The following NUDT3 variants were observed in gnomAD, a reference collection of about 807,000 sequenced individuals.
NUDT3 encodes the protein diphosphoinositol polyphosphate phosphohydrolase 1.
A neutral mutation model predicts 23.6 loss-of-function variants in NUDT3; 9 were observed. That is an observed-to-expected ratio of 0.38 (90% confidence interval 0.23 to 0.66). The LOEUF is 0.66. Ranked by LOEUF, NUDT3 falls within the 30% of genes least tolerant of loss-of-function variation. NUDT3 has a pLI of 0.52. For missense variants in NUDT3, 172 were observed against 218.5 expected, an observed-to-expected ratio of 0.79 and a Z score of 1.34; for synonymous variants, 86 against 82.6, an observed-to-expected ratio of 1.04 and a Z score of -0.22.
At chr6:34,372,017 G>GAAAGGCAATATTAGGCAGC (rs1581896432) in intron 1 of NUDT3, among the ~76,000 whole-genome samples, 2 of 152,228 alleles carry the variant, frequency 1.3e-5, no homozygotes, top group East Asian at 3.9e-4. Flanking sequence ...CCTTGCGATC[G>GAAAGGCAATATTAGGCAGC]TTTGCTCAGA....
intron 1 of NUDT3, among the ~76,000 whole-genome samples, chr6:34,350,976 C>G (rs926484232): frequency 6.7e-6 from 1 of 149,876 alleles, no homozygotes; most frequent in African/African-American, 2.5e-5. Flanking sequence ...ACACAGATAT[C>G]GGCGCCAGGC....
intron 1 of NUDT3, among the ~76,000 whole-genome samples, chr6:34,371,359 G>A (rs151023685): frequency 2.6e-5 from 4 of 151,894 alleles, no homozygotes; most frequent in African/African-American, 4.8e-5. Context: ...CAAGCTACTC[G>A]GGAGGCTGAG....
At chr6:34,383,595 A>C (rs1256680577) in intron 1 of NUDT3, among the ~76,000 whole-genome samples, 2 of 152,240 alleles carry the variant, frequency 1.3e-5, no homozygotes, top group African/African-American at 4.8e-5. Context: ...AGAAATGAAT[A>C]AACAATTGTA....
At chr6:34,344,674 T>C (rs182843006) in intron 1 of NUDT3, among the ~76,000 whole-genome samples, 193 of 152,142 alleles carry the variant, frequency 1.3e-3, no homozygotes, top group African/African-American at 4.4e-3. Flanking sequence ...TTTTTTCCGA[T>C]GGAGTCTCCC....
intron 4 of NUDT3, among the ~76,000 whole-genome samples, chr6:34,290,982 C>T (rs984466461): frequency 1.8e-4 from 27 of 151,474 alleles, no homozygotes; most frequent in Admixed American, 6.6e-4. Flanking sequence ...TTTATTGAGA[C>T]GGAGGCTCAC....
chr6:34,295,510 C>T, intron 3 of NUDT3, 131 bp downstream of exon 3: 2 of 1,035,730 alleles, frequency 1.9e-6, no homozygotes, highest in East Asian at 2.7e-5. Flanking sequence ...GAGAGTGAGA[C>T]CTTGTCTCAA....
intron 1 of NUDT3, among the ~76,000 whole-genome samples, chr6:34,382,917 G>A (rs888391250): frequency 6.6e-6 from 1 of 151,918 alleles, no homozygotes; most frequent in Non-Finnish European, 1.5e-5. Context: ...CACAAGGTCA[G>A]GAGTTCGAGA....
chr6:34,372,301 T>C (rs1342044038), intron 1 of NUDT3, among the ~76,000 whole-genome samples: 1 of 152,166 alleles, frequency 6.6e-6, no homozygotes, highest in Non-Finnish European at 1.5e-5. Flanking sequence ...TAGTTCTAGA[T>C]CCTTGAGGAA....
Position 34,347,385 on chromosome 6 carries a change from A to C in NUDT3, c.100-5413T>G, listed in dbSNP as rs141271176. 2.2e-3 allele frequency among the ~76,000 whole-genome samples: 333 copies of C among 152,328 alleles called. 1 individual carries two copies. Among genetic ancestry groups the C allele is most frequent in the East Asian group, 0.011 (57 of 5,186 alleles). The stretch of plus-strand genomic sequence containing the variant: ...AGGTATCAGACCTTTTTGAAGCTTT[A>C]GTCATTGAGACAGGTGATATCTACG... On this transcript the variant is annotated intron_variant, in intron 1 of 4. Coordinates refer to ENST00000607016, the MANE Select transcript of NUDT3 (RefSeq NM_006703.4).
intron 1 of NUDT3, among the ~76,000 whole-genome samples, chr6:34,373,566 T>C (rs556126645): frequency 3.3e-5 from 5 of 152,222 alleles, no homozygotes; most frequent in East Asian, 3.9e-4. Flanking sequence ...AAATTTGCTA[T>C]GGTGAATGTA....
At chr6:34,346,482 A>G (rs779241566) in intron 1 of NUDT3, among the ~76,000 whole-genome samples, 36 of 152,370 alleles carry the variant, frequency 2.4e-4, no homozygotes, top group Non-Finnish European at 3.8e-4. Flanking sequence ...TCAAAGATAA[A>G]GCAAAGAAAA....
chr6:34,391,454 A>T (rs1166291165), intron 1 of NUDT3, among the ~76,000 whole-genome samples: 2 of 151,764 alleles, frequency 1.3e-5, no homozygotes, highest in East Asian at 3.9e-4. Context: ...GGAAGCCGAG[A>T]TTTTTTTTTA....
chr6:34,319,788 G>A (rs1379149175), intron 2 of NUDT3, among the ~76,000 whole-genome samples: 1 of 152,202 alleles, frequency 6.6e-6, no homozygotes, highest in Non-Finnish European at 1.5e-5. Context: ...TCTCTGGAAT[G>A]AGGATCTTGT....
In NUDT3 at chr6:34,287,240, T is replaced by A. The variant is rs1013626333; in HGVS notation, c.*1513A>T. On this transcript the variant is annotated 3_prime_UTR_variant, in exon 5 of 5. Coordinates refer to ENST00000607016, the MANE Select transcript of NUDT3 (RefSeq NM_006703.4). Reference sequence around the variant, plus strand: ...ATTAGAATTTTTAAATGAGGCGAACTATGATTTTAATTTCACATCTTGGCT... The same window carrying A: ...ATTAGAATTTTTAAATGAGGCGAACAATGATTTTAATTTCACATCTTGGCT... 10 of 152,206 alleles carry A rather than the reference T, an allele frequency of 6.6e-5. No individual in the cohort carries two copies. The highest frequency in any genetic ancestry group is 2.2e-4 in the African/African-American group (9 of 41,440). 9.4% of individuals were successfully genotyped at this position (152,206 alleles called of 1,614,324 possible). A position where few individuals can be genotyped will look rare whatever the true frequency, so the allele number is the denominator to read the frequency against.
intron 3 of NUDT3, among the ~76,000 whole-genome samples, chr6:34,294,754 T>C (rs1763474233): frequency 6.6e-6 from 1 of 151,794 alleles, no homozygotes; most frequent in South Asian, 2.1e-4. Context: ...TATTTACATA[T>C]CTATTTTTTC....
chr6:34,281,089 CTT>C lies in NUDT3; in HGVS notation c.*7662_*7663del, dbSNP rs565846758. 4 of 152,186 alleles carry C rather than the reference CTT, an allele frequency of 2.6e-5. No individual in the cohort carries two copies. The highest frequency in any genetic ancestry group is 9.7e-5 in the African/African-American group (4 of 41,440). 9.4% of individuals were successfully genotyped at this position (152,186 alleles called of 1,614,324 possible). A position where few individuals can be genotyped will look rare whatever the true frequency, so the allele number is the denominator to read the frequency against. ...GGGGAGAAAGCACACTAGTTCATCT[CTT>C]TTATAAGTAGAATGGTCCCAGGGAT... On this transcript the variant is annotated 3_prime_UTR_variant, in exon 5 of 5. Coordinates refer to ENST00000607016, the MANE Select transcript of NUDT3 (RefSeq NM_006703.4).
intron 2 of NUDT3, among the ~76,000 whole-genome samples, chr6:34,297,760 A>ATATATATATTTTTTTTTTT (rs1763535832): frequency 1.9e-5 from 1 of 53,652 alleles, no homozygotes; most frequent in Non-Finnish European, 3.1e-5. Flanking sequence ...TATATATATA[A>ATATATATATTTTTTTTTTT]TTTTTTTTTT....
intron 1 of NUDT3, among the ~76,000 whole-genome samples, chr6:34,357,775 T>A (rs1034494631): frequency 3.3e-5 from 5 of 152,226 alleles, no homozygotes; most frequent in African/African-American, 1.2e-4. Context: ...AAACTGTATG[T>A]CTTCTAATCC....
At chr6:34,341,099 G>C (rs1182276109) in intron 2 of NUDT3, among the ~76,000 whole-genome samples, 2 of 152,140 alleles carry the variant, frequency 1.3e-5, no homozygotes, top group African/African-American at 2.4e-5. Flanking sequence ...CGAGTAAACT[G>C]GGGCGATAAA....
Sources: allele counts gnomAD v4.1 joint callset (sites outside exome capture counted in the v4.1 genomes callset), GRCh38; gene constraint gnomAD v4.1.1; transcripts MANE v1.5; gene names NCBI Gene and HGNC (gene_info 2026-07-23, HGNC 2026-07-21).